Variants in RRP8 observed in about 807,000 individuals in gnomAD.
RRP8 encodes ribosomal RNA processing 8, also known as ribosomal RNA-processing protein 8.
In RRP8, 48 loss-of-function variants were observed where a neutral mutation model predicts 45.0. The ratio of observed to expected loss-of-function variants is 1.07; its 90% CI spans 0.85 to 1.36. The LOEUF (loss-of-function observed/expected upper bound fraction) is 1.36, where lower values mean the gene tolerates loss of function less well. Ranked by LOEUF, RRP8 falls within the 40% of genes most tolerant of loss-of-function variation. The probability of loss-of-function intolerance (pLI) is 0.00; values close to 1 mark genes in which losing one functional copy is unlikely to be tolerated. For synonymous variants in RRP8, 274 were observed against 212.4 expected, an observed-to-expected ratio of 1.29 and a Z score of -2.52; for missense variants, 658 against 573.7, an observed-to-expected ratio of 1.15 and a Z score of -1.50.
In RRP8 at chr11:6,600,694, C is replaced by T; in HGVS notation, c.1129G>A (p.Glu377Lys). 6 of 1,614,068 alleles carry T rather than the reference C, an allele frequency of 3.7e-6. No individual in the cohort carries two copies. The highest frequency in any genetic ancestry group is 5.1e-6 in the Non-Finnish European group (6 of 1,179,994). The change falls in exon 5 of 7, where the codon GAG becomes AAG. Residue 377 changes from glutamate (E) to lysine (K), a missense_variant. By Grantham distance (56) the Glu-to-Lys change is moderately conservative. Coordinates refer to ENST00000254605, the MANE Select transcript of RRP8 (RefSeq NM_015324.4). Reference protein sequence around the residue: ...MGTNIRDFLEEANRVLKPGGL... With the variant: ...MGTNIRDFLEKANRVLKPGGL... Reference sequence around the variant, plus strand: ...CCTGGCTTCAGTACTCTATTTGCCTCCTCTAGGAAGTCCCTGATGTTGGTT... The same window carrying T: ...CCTGGCTTCAGTACTCTATTTGCCTTCTCTAGGAAGTCCCTGATGTTGGTT...
Position 6,600,258 on chromosome 11 carries a change from G to T in RRP8, c.1259C>A (p.Thr420Asn). Residue 420 changes from threonine (T) to asparagine (N), a missense_variant, in exon 7 of 7, where the codon ACC becomes AAC. Coordinates refer to ENST00000254605, the MANE Select transcript of RRP8 (RefSeq NM_015324.4). ...ATCAAACAAGAAGAAATGGCTGTTG[G>T]TCAGGTCCTAGGGGCAGAAAAGACC... ...LGFKIVSKDL[T>N]NSHFFLFDFQ... 1 of 1,595,296 alleles carries T rather than the reference G, an allele frequency of 6.3e-7. No homozygotes were observed. Among genetic ancestry groups the T allele is most frequent in the Non-Finnish European group, 8.5e-7 (1 of 1,172,738 alleles).
rs142005245 is a variant in RRP8, at chr11:6,600,045, C to T, written c.*101G>A. 3 of 737,378 alleles carry T rather than the reference C, an allele frequency of 4.1e-6. No homozygotes were observed. The highest frequency in any genetic ancestry group is 5.4e-5 in the East Asian group (2 of 36,704). The allele number at this position is 737,378 out of a possible 1,614,324, so 45.7% of individuals were successfully genotyped here. The stretch of plus-strand genomic sequence containing the variant: ...TATCACACTTTGTCCTCAGGGTCCA[C>T]CAGGAACCAGGTCTTGGCTCACAGC... On this transcript the variant is annotated 3_prime_UTR_variant, in exon 7 of 7. Coordinates refer to ENST00000254605, the MANE Select transcript of RRP8 (RefSeq NM_015324.4).
In RRP8 at chr11:6,597,584, T is replaced by TA. The variant is rs1270166513; in HGVS notation, c.*2561dup. 0.32 allele frequency: 38,536 copies of TA among 120,148 alleles called. 7,402 individuals are homozygous for TA. Among genetic ancestry groups the TA allele is most frequent in the East Asian group, 0.62 (2,675 of 4,336 alleles). The allele number at this position is 120,148 out of a possible 1,614,324, so 7.4% of individuals were successfully genotyped here. On this transcript the variant is annotated 3_prime_UTR_variant, in exon 7 of 7. Coordinates refer to ENST00000254605, the MANE Select transcript of RRP8 (RefSeq NM_015324.4). ...AGCTAACAACCTGCCCATCCTCCCA[T>TA]AAAAAAAAAAAAAAAAAAAACACTG...
rs995550924 is a variant in RRP8 at position 6,603,445 on chromosome 11, C to A, written c.58G>T (p.Val20Leu). 17 of 1,604,940 alleles carry A rather than the reference C, an allele frequency of 1.1e-5. No homozygotes were observed. Among genetic ancestry groups the A allele is most frequent in the Non-Finnish European group, 1.4e-5 (16 of 1,176,776 alleles). ...AAPVAAGLGP[V>L]ISRPPPAASS... Reference sequence around the variant, plus strand: ...GCCGCAGGCGGAGGTCGTGAGATTACGGGCCCAAGGCCCGCGGCTACTGGG... The same window carrying A: ...GCCGCAGGCGGAGGTCGTGAGATTAAGGGCCCAAGGCCCGCGGCTACTGGG... The change falls in exon 1 of 7, where the codon GTA (valine) becomes TTA (leucine). Residue 20 changes from valine (V) to leucine (L), a missense_variant. Transcript: ENST00000254605.
chr11:6,602,270 G>C (rs778719410), intron 1 of RRP8, 55 bp from the exon 2 acceptor site: 5 of 1,495,690 alleles, frequency 3.3e-6, no homozygotes, highest in Non-Finnish European at 4.4e-6. Context: ...GAGGCCTGGA[G>C]AACAAGAAGG....
At chr11:6,601,800 AC>A (rs1182331810) in intron 2 of RRP8, 51 bp downstream of exon 2, 87 of 1,527,334 alleles carry the variant, frequency 5.7e-5, no homozygotes, top group Non-Finnish European at 7.3e-5. Flanking sequence ...GAACCAGCTG[AC>A]CCCCCGACAC....
In RRP8 at chr11:6,600,513, G is replaced by A. The variant is rs775301340; in HGVS notation, c.1224C>T (p.Thr408=). The change falls in exon 6 of 7, where the codon ACC becomes ACT. Residue 408 remains threonine (T), a synonymous_variant. Coordinates refer to ENST00000254605, the MANE Select transcript of RRP8 (RefSeq NM_015324.4). Reference sequence around the variant, plus strand: ...TGGAGACAATCTTGAAGCCTAGCTTGGTCACAGCCCGCAGAAAGGTTCGAA... The same window carrying A: ...TGGAGACAATCTTGAAGCCTAGCTTAGTCACAGCCCGCAGAAAGGTTCGAA... The part of the protein sequence containing the change: ...EDVRTFLRAV[T]KLGFKIVSKD... 5 of 1,613,636 alleles carry A rather than the reference G, an allele frequency of 3.1e-6. No individual in the cohort carries two copies. The African/African-American group carries it at 6.7e-5, about 22-fold the overall frequency.
rs1854245853 is a variant in RRP8, at chr11:6,597,481, C to T, written c.*2665G>A. ...AACCTCTTACCACTGCCATTTACCT[C>T]AAACAGGCCCTCCACATTACTCAGC... On this transcript the variant is annotated 3_prime_UTR_variant, in exon 7 of 7. Transcript: ENST00000254605. 1 of 151,248 alleles carries T rather than the reference C, an allele frequency of 6.6e-6. No individual in the cohort carries two copies. Among genetic ancestry groups the T allele is most frequent in the Admixed American group, 6.6e-5 (1 of 15,158 alleles). 9.4% of individuals were successfully genotyped at this position (151,248 alleles called of 1,614,324 possible).
At position 6,603,566 on chromosome 11, in the gene RRP8, A is replaced by C. The variant is rs2134509073; in HGVS notation, c.-64T>G. ...CTCCACGTGCACAGCGCTCCTCTGG[A>C]AGTCGGAGCGCTCAGACCTGCCAGA... On this transcript the variant is annotated 5_prime_UTR_variant, in exon 1 of 7. Transcript: ENST00000254605. The C allele has an allele frequency of 8.8e-7, 1 of 1,132,350 alleles. No homozygotes were observed. The highest frequency in any genetic ancestry group is 2.7e-5 in the East Asian group (1 of 37,492). 70.1% of individuals were successfully genotyped at this position (1,132,350 alleles called of 1,614,324 possible). A position where few individuals can be genotyped will look rare whatever the true frequency, so the allele number is the denominator to read the frequency against.
In RRP8 at chr11:6,598,671, T is replaced by C. The variant is rs557322853; in HGVS notation, c.*1475A>G. The C allele has an allele frequency of 4.6e-4, 70 of 152,330 alleles. No homozygotes were observed. Among genetic ancestry groups the C allele is most frequent in the African/African-American group, 1.6e-3 (68 of 41,558 alleles). 9.4% of individuals were successfully genotyped at this position (152,330 alleles called of 1,614,324 possible). ...AAGAACAGTACGTGTAGAGGCACTG[T>C]GTAGTGCCTGCCTAATGATTCACAG... On this transcript the variant is annotated 3_prime_UTR_variant, in exon 7 of 7. Transcript: ENST00000254605.
chr11:6,602,929 T>A (rs1271289179), intron 1 of RRP8, among the ~76,000 whole-genome samples: 1 of 152,240 alleles, frequency 6.6e-6, no homozygotes, highest in Non-Finnish European at 1.5e-5. Flanking sequence ...ACAATGATAC[T>A]GACAACTCTT....
At chr11:6,602,933 A>G (rs1200299888) in intron 1 of RRP8, among the ~76,000 whole-genome samples, 1 of 152,210 alleles carries the variant, frequency 6.6e-6, no homozygotes, top group Non-Finnish European at 1.5e-5. Context: ...TGATACTGAC[A>G]ACTCTTACTG....
Position 6,600,961 on chromosome 11 carries a change from G to C in RRP8, c.1012C>G (p.Leu338Val), listed in dbSNP as rs1349947979. The change falls in exon 4 of 7, where the codon CTG (leucine) becomes GTG (valine). Residue 338 changes from leucine (L) to valine (V), a missense_variant. By Grantham distance (32) the Leu-to-Val change is conservative. Transcript: ENST00000254605. ...NPVHCFDLAS[L>V]DPRVTVCDMA... ...TCACACACAGTGACCCTAGGGTCCA[G>C]AGAAGCCAAGTCAAAGCAATGCACA... 3.1e-6 allele frequency: 5 copies of C among 1,614,180 alleles called. No individual in the cohort carries two copies. The highest frequency in any genetic ancestry group is 2.2e-5 in the South Asian group (2 of 91,076).
In RRP8 at chr11:6,599,383, A is replaced by G. The variant is rs1854289065; in HGVS notation, c.*763T>C. On this transcript the variant is annotated 3_prime_UTR_variant, in exon 7 of 7. Transcript: ENST00000254605. ...ATTTTCCAAATGAGGAATGTGATAT[A>G]CAGAGATTAAATGACTTTAAGTGCC... 6.6e-6 allele frequency: 1 copy of G among 152,268 alleles called. No individual in the cohort carries two copies. Among genetic ancestry groups the G allele is most frequent in the African/African-American group, 2.4e-5 (1 of 41,476 alleles). 9.4% of individuals were successfully genotyped at this position (152,268 alleles called of 1,614,324 possible).
At chr11:6,601,100 T>A in intron 3 of RRP8, 45 bp from the exon 4 acceptor site, 1 of 1,614,050 alleles carries the variant, frequency 6.2e-7, no homozygotes, top group South Asian at 1.1e-5. Context: ...GATCTGAGCC[T>A]ATGACTGACC....
intron 1 of RRP8, 76 bp from the exon 2 acceptor site, chr11:6,602,291 G>A: frequency 6.9e-7 from 1 of 1,453,870 alleles, no homozygotes; most frequent in South Asian, 1.5e-5. Flanking sequence ...GAGAGATGTG[G>A]ACCTGATTCA....
At position 6,600,651 on chromosome 11, in the gene RRP8, T is replaced by C. The variant is rs377138924; in HGVS notation, c.1154+18A>G. The C allele has an allele frequency of 8.4e-5, 136 of 1,611,110 alleles. No individual in the cohort carries two copies. The African/African-American group carries it at 1.5e-3, about 18-fold the overall frequency. On this transcript the variant is annotated intron_variant, in intron 5 of 6. Coordinates refer to ENST00000254605, the MANE Select transcript of RRP8 (RefSeq NM_015324.4). ...ATGCACACATACATACATGCATCTG[T>C]GTCCTGGGGGCTCTTACCCTGGCTT...
At chr11:6,603,287 G>A in intron 1 of RRP8, 117 bp downstream of exon 1, 1 of 703,956 alleles carries the variant, frequency 1.4e-6, no homozygotes. Flanking sequence ...CTTCAGATCA[G>A]GACTCGCCCT....
In RRP8 at chr11:6,601,934, A is replaced by G. The variant is rs200172276; in HGVS notation, c.381T>C (p.Ala127=). ...ATTTCCTCTTTCTTTTCTCATCTTC[A>G]GCAGAGTCACTGCCAACAAGAGCCT... is the stretch of plus-strand genomic sequence containing the variant. ...HKQALVGSDS[A]EDEKRKRKCQ... is the part of the protein sequence containing the mutation. Residue 127 remains alanine (A), a synonymous_variant, in exon 2 of 7, where the codon GCT becomes GCC. Transcript: ENST00000254605. 5.7e-5 allele frequency: 92 copies of G among 1,614,148 alleles called. No individual in the cohort carries two copies. Among genetic ancestry groups the G allele is most frequent in the Middle Eastern group, 1.6e-4 (1 of 6,062 alleles).
Sources: allele counts gnomAD v4.1 joint callset (sites outside exome capture counted in the v4.1 genomes callset), GRCh38; gene constraint gnomAD v4.1.1; transcripts MANE v1.5; gene names NCBI Gene and HGNC (gene_info 2026-07-23, HGNC 2026-07-21).